RARB: variants seen among roughly 807,000 people sequenced by gnomAD.
RARB encodes HBV-activated protein.
In RARB, 17 loss-of-function variants were observed where a neutral mutation model predicts 51.9. The ratio of observed to expected loss-of-function variants is 0.33; its 90% CI spans 0.22 to 0.49. The LOEUF (loss-of-function observed/expected upper bound fraction) is 0.49, where lower values mean the gene tolerates loss of function less well. Among genes scored for constraint, RARB ranks in the 20% least tolerant of loss-of-function variants. The pLI is 0.99. For missense variants in RARB, 369 were observed against 550.8 expected (o/e 0.67, Z 3.30); for synonymous variants, 215 against 195.4 (o/e 1.10, Z -0.84).
intron 2 of RARB, among the ~76,000 whole-genome samples, chr3:24,942,765 G>C (rs1202504621): frequency 6.6e-6 from 1 of 152,124 alleles, no homozygotes; most frequent in African/African-American, 2.4e-5. Context: ...GGCATTGATA[G>C]AGAAAGAACT....
intron 5 of RARB, chr3:25,174,596 C>G (rs1317772889): frequency 7.4e-7 from 1 of 1,350,998 alleles, no homozygotes; most frequent in Non-Finnish European, 9.8e-7. Context: ...CTGGAATTTG[C>G]TCTCTTTTCT....
At chr3:25,070,238 C>G (rs371159268) in intron 3 of RARB, among the ~76,000 whole-genome samples, 3 of 152,112 alleles carry the variant, frequency 2.0e-5, no homozygotes, top group African/African-American at 7.2e-5. Flanking sequence ...AGAGGCCCAC[C>G]CTACTCCAGT....
intron 1 of RARB, among the ~76,000 whole-genome samples, chr3:24,845,342 A>C (rs1329753093): frequency 6.6e-6 from 1 of 152,194 alleles, no homozygotes; most frequent in Non-Finnish European, 1.5e-5. Flanking sequence ...GTATACCTCG[A>C]CTAGGAAGGA....
chr3:25,565,642 G>A (rs143852890), intron 3 of RARB, among the ~76,000 whole-genome samples: 75 of 152,254 alleles, frequency 4.9e-4, no homozygotes, highest in African/African-American at 1.5e-3. Flanking sequence ...GTGCCACTGC[G>A]ATGGCTTCTC....
At chr3:25,428,110 G>A (rs999695104), upstream of RARB, among the ~76,000 whole-genome samples, 19 of 152,236 alleles carry the variant, frequency 1.2e-4, no homozygotes, top group Non-Finnish European at 2.6e-4. Flanking sequence ...CTGGCTGTCT[G>A]CTTTTGCAGG....
intron 2 of RARB, among the ~76,000 whole-genome samples, chr3:25,026,496 C>T (rs1256937634): frequency 6.6e-6 from 1 of 152,158 alleles, no homozygotes; most frequent in Non-Finnish European, 1.5e-5. Context: ...GCACGCACAT[C>T]CCTGGTGCCT....
intron 5 of RARB, among the ~76,000 whole-genome samples, chr3:25,348,393 G>A (rs574887329): frequency 2.2e-4 from 28 of 124,594 alleles, no homozygotes; most frequent in East Asian, 1.1e-3. Flanking sequence ...GGTGTGATTC[G>A]GAAGAGATTA....
At chr3:25,528,521 T>C (rs1247840467) in intron 3 of RARB, among the ~76,000 whole-genome samples, 1 of 151,980 alleles carries the variant, frequency 6.6e-6, no homozygotes, top group African/African-American at 2.4e-5. Flanking sequence ...TCAGGCTTAG[T>C]GTCCTCTGGA....
intron 5 of RARB, among the ~76,000 whole-genome samples, chr3:25,218,199 C>G (rs1701874743): frequency 6.6e-6 from 1 of 152,164 alleles, no homozygotes; most frequent in Admixed American, 6.5e-5. Context: ...CAGTCACCCC[C>G]ACTTTTATCT....
chr3:25,060,745 C>A (rs931868174), intron 3 of RARB, among the ~76,000 whole-genome samples: 5 of 151,810 alleles, frequency 3.3e-5, no homozygotes, highest in Non-Finnish European at 5.9e-5. Flanking sequence ...ATTGGAGTTT[C>A]CAGTGTTAGC....
chr3:24,958,652 C>T (rs1559411741), intron 2 of RARB, among the ~76,000 whole-genome samples: 1 of 152,110 alleles, frequency 6.6e-6, no homozygotes, highest in Non-Finnish European at 1.5e-5. Context: ...CTCTGAGAAG[C>T]AGAGAACTAA....
intron 3 of RARB, among the ~76,000 whole-genome samples, chr3:25,501,772 A>G (rs1697326904): frequency 6.6e-6 from 1 of 152,218 alleles, no homozygotes; most frequent in South Asian, 2.1e-4. Flanking sequence ...TGTGGAAGAA[A>G]CATTTCAAAA....
intron 2 of RARB, among the ~76,000 whole-genome samples, chr3:25,466,533 T>C (rs1695440591): frequency 6.6e-6 from 1 of 152,222 alleles, no homozygotes. Flanking sequence ...ATAATGACTT[T>C]TGCACACAGT....
At chr3:24,861,608 A>C (rs1702749166) in intron 2 of RARB, among the ~76,000 whole-genome samples, 1 of 152,062 alleles carries the variant, frequency 6.6e-6, no homozygotes, top group Non-Finnish European at 1.5e-5. Context: ...AAAAAAAAAA[A>C]AAAAAAACCT....
At chr3:24,844,320 C>A (rs2125331905) in intron 1 of RARB, among the ~76,000 whole-genome samples, 1 of 152,314 alleles carries the variant, frequency 6.6e-6, no homozygotes, top group South Asian at 2.1e-4. Flanking sequence ...AAGGCTGGTG[C>A]CACAGTGCTT....
intron 5 of RARB, among the ~76,000 whole-genome samples, chr3:25,301,958 C>T (rs1214723630): frequency 1.3e-5 from 2 of 152,142 alleles, no homozygotes; most frequent in Non-Finnish European, 2.9e-5. Flanking sequence ...CAGTGGCCCA[C>T]AGGAGTGAAA....
chr3:25,048,274 G>A (rs1011630821), intron 2 of RARB, among the ~76,000 whole-genome samples: 1 of 152,054 alleles, frequency 6.6e-6, no homozygotes, highest in African/African-American at 2.4e-5. Context: ...TGGTTAACTT[G>A]GTGATTTGGG....
intron 2 of RARB, among the ~76,000 whole-genome samples, chr3:25,008,078 C>G (rs890107952): frequency 6.6e-6 from 1 of 152,132 alleles, no homozygotes; most frequent in Admixed American, 6.6e-5. Context: ...CTTGAAGTCT[C>G]TTACAGAGAT....
At chr3:25,590,115 C>T (rs187706317) in intron 5 of RARB, among the ~76,000 whole-genome samples, 2 of 150,746 alleles carry the variant, frequency 1.3e-5, no homozygotes, top group Admixed American at 6.5e-5. Flanking sequence ...AGGCCATGTG[C>T]GTTCCCTCTC....
Sources: gnomAD v4.1 joint callset for allele counts (sites outside exome capture counted in the v4.1 genomes callset) on GRCh38, gnomAD v4.1.1 for gene constraint, MANE v1.5 for transcripts, NCBI Gene and HGNC (gene_info 2026-07-23, HGNC 2026-07-21) for gene names.